The following XPNPEP3 variants were observed in gnomAD, a reference collection of about 807,000 sequenced individuals.
XPNPEP3 encodes the protein xaa-Pro aminopeptidase 3.
Under a neutral mutation model 60.0 loss-of-function variants are expected in XPNPEP3, and 41 were observed. That is an observed-to-expected ratio of 0.68 (90% CI 0.53 to 0.89). XPNPEP3 has a LOEUF of 0.89. XPNPEP3 is among the 40% of genes least tolerant of loss of function. XPNPEP3 has a pLI of 0.00. For missense variants in XPNPEP3, 598 were observed against 638.9 expected, an observed-to-expected ratio of 0.94 and a Z score of 0.69; for synonymous variants, 212 against 223.2, an observed-to-expected ratio of 0.95 and a Z score of 0.45.
At chr22:40,885,027 CAAAAAA>C (rs760016473) in intron 3 of XPNPEP3, among the ~76,000 whole-genome samples, 19 of 121,662 alleles carry the variant, frequency 1.6e-4, no homozygotes. Context: ...GACTACGTCT[CAAAAAA>C]AAAAAAAATT....
chr22:40,918,847 C>CTT (rs1253941617), intron 7 of XPNPEP3, among the ~76,000 whole-genome samples: 2 of 129,628 alleles, frequency 1.5e-5, no homozygotes, highest in Non-Finnish European at 3.4e-5. Flanking sequence ...ATTTTTTTTT[C>CTT]TTTTTTTTTT....
At position 40,927,717 on chromosome 22, in the gene XPNPEP3, C is replaced by T. The variant is rs2058239218; in HGVS notation, c.*1282C>T. 6.6e-6 allele frequency: 1 copy of T among 150,504 alleles called. No individual in the cohort carries two copies. Among genetic ancestry groups the T allele is most frequent in the African/African-American group, 2.4e-5 (1 of 40,944 alleles). 9.3% of individuals were successfully genotyped at this position (150,504 alleles called of 1,614,324 possible). A position where few individuals can be genotyped will look rare whatever the true frequency, so the allele number is the denominator to read the frequency against. Reference sequence around the variant, plus strand: ...TGAAACCCCGTCTTTACTAAAAATACAAAAAAAATTAGCTGGGCGTGGTGG... The same window carrying T: ...TGAAACCCCGTCTTTACTAAAAATATAAAAAAAATTAGCTGGGCGTGGTGG... On this transcript the variant is annotated 3_prime_UTR_variant, in exon 10 of 10. Coordinates refer to ENST00000357137, the MANE Select transcript of XPNPEP3 (RefSeq NM_022098.4).
At chr22:40,923,591 C>T (rs538547664) in intron 8 of XPNPEP3, among the ~76,000 whole-genome samples, 1 of 152,252 alleles carries the variant, frequency 6.6e-6, no homozygotes, top group South Asian at 2.1e-4. Context: ...GTGGCTCACA[C>T]CTGTAATCCC....
Position 40,877,326 on chromosome 22 carries a change from A to T in XPNPEP3, c.182-4444A>T, listed in dbSNP as rs554263038. On this transcript the variant is annotated intron_variant, in intron 2 of 9. Transcript: ENST00000357137. ...CCTTATATGCTGCGAAAACTACCTA[A>T]TATTAAGCAGACTTCTTTTCAAAAT... Among the ~76,000 whole-genome samples, 5 of 152,216 alleles carry T rather than the reference A, an allele frequency of 3.3e-5. 1 individual carries two copies. In the South Asian group the frequency reaches 1.0e-3, roughly 31 times the overall value.
chr22:40,863,455 G>C (rs2057962199), intron 1 of XPNPEP3, among the ~76,000 whole-genome samples: 1 of 152,128 alleles, frequency 6.6e-6, no homozygotes, highest in Non-Finnish European at 1.5e-5. Flanking sequence ...TCAGTTAAAT[G>C]ATACGCTAAT....
intron 2 of XPNPEP3, among the ~76,000 whole-genome samples, chr22:40,875,850 T>TAAAA (rs768463487): frequency 1.7e-5 from 2 of 119,514 alleles, no homozygotes; most frequent in African/African-American, 3.0e-5. Flanking sequence ...CCACCTCTAC[T>TAAAA]AAAAAAAAAA....
At chr22:40,886,262 T>C (rs775108085) in intron 3 of XPNPEP3, 51 bp from the exon 4 acceptor site, 1 of 1,577,620 alleles carries the variant, frequency 6.3e-7, no homozygotes, top group Admixed American at 1.7e-5. Flanking sequence ...TTGATATTTC[T>C]TGTTGCTGGT....
intron 4 of XPNPEP3, among the ~76,000 whole-genome samples, chr22:40,903,704 G>A (rs1393133257): frequency 1.3e-5 from 2 of 151,982 alleles, no homozygotes; most frequent in Non-Finnish European, 2.9e-5. Flanking sequence ...TGGCCAAGCA[G>A]GTCTTGAACT....
At position 40,871,114 on chromosome 22, in the gene XPNPEP3, A is replaced by G. The variant is rs368563905; in HGVS notation, c.181+1999A>G. Among the ~76,000 whole-genome samples, 21 of 152,296 alleles carry G rather than the reference A, an allele frequency of 1.4e-4. No homozygotes were observed. In the East Asian group the frequency reaches 2.5e-3, roughly 18 times the overall value. ...ACAGTGGCTCACGCCTATAATCCCA[A>G]CACTTTGGAAAGACAAGATGAGAGG... On this transcript the variant is annotated intron_variant, in intron 2 of 9. Transcript: ENST00000357137.
At chr22:40,893,240 G>A (rs750056749) in intron 4 of XPNPEP3, among the ~76,000 whole-genome samples, 3 of 149,424 alleles carry the variant, frequency 2.0e-5, no homozygotes, top group African/African-American at 7.3e-5. Flanking sequence ...CTGGCCGGGC[G>A]CTTATGCCTG....
chr22:40,868,115 A>T (rs2057987626), intron 1 of XPNPEP3, among the ~76,000 whole-genome samples: 1 of 152,054 alleles, frequency 6.6e-6, no homozygotes, highest in South Asian at 2.1e-4. Context: ...TGTTCCAATC[A>T]TGTGCAAAGA....
chr22:40,876,923 A>G (rs775949771), intron 2 of XPNPEP3, among the ~76,000 whole-genome samples: 6 of 152,216 alleles, frequency 3.9e-5, no homozygotes, highest in Admixed American at 6.5e-5. Context: ...CAGATCTTAC[A>G]TATGCAGTTC....
At chr22:40,885,489 G>A (rs1053019557) in intron 3 of XPNPEP3, among the ~76,000 whole-genome samples, 6 of 152,166 alleles carry the variant, frequency 3.9e-5, no homozygotes, top group Non-Finnish European at 8.8e-5. Flanking sequence ...AATATCAACT[G>A]TAGTTTTTCC....
chr22:40,909,018 A>T, intron 5 of XPNPEP3, 104 bp from the exon 6 acceptor site: 1 of 865,506 alleles, frequency 1.2e-6, no homozygotes, highest in South Asian at 1.4e-5. Context: ...CCCAGTAATG[A>T]CTTAAGATAA....
intron 1 of XPNPEP3, among the ~76,000 whole-genome samples, chr22:40,868,750 G>A (rs181636904): frequency 3.9e-5 from 6 of 152,124 alleles, no homozygotes; most frequent in Admixed American, 1.3e-4. Context: ...GGAGGCTTGA[G>A]GCAGGAGAAT....
At position 40,928,455 on chromosome 22, in the gene XPNPEP3, C is replaced by T. The variant is rs531884406; in HGVS notation, c.*2020C>T. The T allele has an allele frequency of 1.3e-5, 2 of 152,426 alleles. No homozygotes were observed. Among genetic ancestry groups the T allele is most frequent in the Admixed American group, 1.3e-4 (2 of 15,298 alleles). The allele number at this position is 152,426 out of a possible 1,614,324, so 9.4% of individuals were successfully genotyped here. A position where few individuals can be genotyped will look rare whatever the true frequency, so the allele number is the denominator to read the frequency against. ...CTCCTGAGCTCCGGCAATCCGCCCACCTCAGCCTCCCAAAGTGCTAGGATT... is the reference window on the plus strand; with the variant it reads ...CTCCTGAGCTCCGGCAATCCGCCCATCTCAGCCTCCCAAAGTGCTAGGATT... On this transcript the variant is annotated 3_prime_UTR_variant, in exon 10 of 10. Transcript: ENST00000357137.
At chr22:40,865,378 G>C (rs975896096) in intron 1 of XPNPEP3, among the ~76,000 whole-genome samples, 2 of 146,688 alleles carry the variant, frequency 1.4e-5, no homozygotes, top group African/African-American at 5.1e-5. Flanking sequence ...GCCCAGGCTA[G>C]AGTACAGTGG....
At chr22:40,914,564 G>GTTTTTT in intron 7 of XPNPEP3, among the ~76,000 whole-genome samples, 1 of 40,634 alleles carries the variant, frequency 2.5e-5, no homozygotes, top group African/African-American at 1.0e-4. Context: ...TTTTTTTTTG[G>GTTTTTT]TAAGAGACGG....
chr22:40,887,625 C>T (rs2058074347), intron 4 of XPNPEP3, among the ~76,000 whole-genome samples: 4 of 152,064 alleles, frequency 2.6e-5, no homozygotes, highest in Admixed American at 2.0e-4. Flanking sequence ...CCTTAACTAC[C>T]TCCTAAAGAC....
Sources: allele counts gnomAD v4.1 joint callset (sites outside exome capture counted in the v4.1 genomes callset), GRCh38; gene constraint gnomAD v4.1.1; transcripts MANE v1.5; gene names NCBI Gene and HGNC (gene_info 2026-07-23, HGNC 2026-07-21).